NAV3: variants seen among roughly 807,000 people sequenced by gnomAD.
NAV3 encodes pore membrane and/or filament interacting like protein 1.
A neutral mutation model predicts 244.7 loss-of-function variants in NAV3; 87 were observed. That is an observed-to-expected ratio of 0.36 (90% CI 0.30 to 0.42). The LOEUF (loss-of-function observed/expected upper bound fraction) is 0.42, where lower values mean the gene tolerates loss of function less well. Ranked by LOEUF, NAV3 falls within the 20% of genes least tolerant of loss-of-function variation. The pLI is 1.00. For missense variants in NAV3, 2,663 were observed against 2,893.3 expected (o/e 0.92, Z 1.83); for synonymous variants, 1,126 against 1,042.2 (o/e 1.08, Z -1.55).
At chr12:78,057,785 G>A (rs575091136) in intron 11 of NAV3, among the ~76,000 whole-genome samples, 47 of 152,294 alleles carry the variant, frequency 3.1e-4, no homozygotes, top group African/African-American at 1.1e-3. Context: ...GTAAGTAGCA[G>A]CACTGTAGTT....
rs186565361 is a variant in NAV3 at position 77,860,483 on chromosome 12, A to C, written c.243+28779A>C. ...AATGTATATTATTAAAAATTAGCAAACCTCTATTAAAATGTTGCTGAGGTT... is the reference window on the plus strand; with the variant it reads ...AATGTATATTATTAAAAATTAGCAACCCTCTATTAAAATGTTGCTGAGGTT... On this transcript the variant is annotated intron_variant, in intron 1 of 39. Transcript: ENST00000397909. Among the ~76,000 whole-genome samples, 771 of 151,750 alleles carry C rather than the reference A, an allele frequency of 5.1e-3. 8 individuals carry two copies. Among genetic ancestry groups the C allele is most frequent in the African/African-American group, 0.018 (737 of 41,486 alleles).
chr12:77,826,842 A>G (rs1873053247), upstream of NAV3, among the ~76,000 whole-genome samples: 2 of 152,194 alleles, frequency 1.3e-5, no homozygotes, highest in Non-Finnish European at 2.9e-5. Context: ...ACATCTTGAT[A>G]GTGGTACTGG....
intron 11 of NAV3, among the ~76,000 whole-genome samples, chr12:78,056,711 G>A (rs569096837): frequency 2.6e-5 from 4 of 152,182 alleles, no homozygotes; most frequent in African/African-American, 4.8e-5. Flanking sequence ...CCTGGGTAAC[G>A]GAGTGAGACT....
intron 39 of NAV3, among the ~76,000 whole-genome samples, chr12:78,209,194 C>T (rs1182825693): frequency 6.6e-6 from 1 of 152,034 alleles, no homozygotes; most frequent in Non-Finnish European, 1.5e-5. Context: ...GTCTCTTTGT[C>T]AGAAAGGAAT....
rs1191958548 is a variant in NAV3, at chr12:77,831,187, GAGAGAGAC to G, written c.-267_-260del. The G allele has an allele frequency of 2.8e-3, 365 of 130,434 alleles. No homozygotes were observed. The highest frequency in any genetic ancestry group is 6.5e-3 in the South Asian group (44 of 6,762). 8.1% of individuals were successfully genotyped at this position (130,434 alleles called of 1,614,324 possible). On this transcript the variant is annotated 5_prime_UTR_variant, in exon 1 of 40. Coordinates refer to ENST00000397909, the MANE Select transcript of NAV3 (RefSeq NM_001024383.2). ...AGAGAGACAGAGAGAGAGAGAGAGA[GAGAGAGAC>G]AGAGAGAGAGAGAGAGAGAGAGAAA...
intron 1 of NAV3, among the ~76,000 whole-genome samples, chr12:77,837,325 G>T (rs1370906840): frequency 6.6e-6 from 1 of 151,734 alleles, no homozygotes; most frequent in African/African-American, 2.4e-5. Context: ...GAAAACAGCA[G>T]GTAGACAATG....
At chr12:77,609,726 C>T (rs1870828670) in intron 2 of NAV3, among the ~76,000 whole-genome samples, 1 of 151,942 alleles carries the variant, frequency 6.6e-6, no homozygotes, top group Non-Finnish European at 1.5e-5. Context: ...CCCTGAGTGA[C>T]AAGTTGTAAT....
intron 2 of NAV3, among the ~76,000 whole-genome samples, chr12:77,760,370 G>A (rs1177715634): frequency 6.6e-6 from 1 of 152,216 alleles, no homozygotes; most frequent in Non-Finnish European, 1.5e-5. Context: ...CAGCATGCAA[G>A]TTTGTTTTGG....
At chr12:77,962,429 T>G (rs1481429005) in intron 3 of NAV3, among the ~76,000 whole-genome samples, 2 of 152,156 alleles carry the variant, frequency 1.3e-5, no homozygotes, top group African/African-American at 2.4e-5. Flanking sequence ...TCCATCTCAT[T>G]GGATACAGAC....
chr12:77,670,759 A>C (rs1013665133), intron 2 of NAV3, among the ~76,000 whole-genome samples: 9 of 152,202 alleles, frequency 5.9e-5, no homozygotes, highest in African/African-American at 2.2e-4. Flanking sequence ...TAAAACCATC[A>C]GCAAAATTGG....
intron 1 of NAV3, among the ~76,000 whole-genome samples, chr12:77,845,651 C>CTTTTT (rs36029202): frequency 2.3e-5 from 3 of 129,602 alleles, no homozygotes; most frequent in East Asian, 2.2e-4. Context: ...TAGGCTAATA[C>CTTTTT]TTTTTTTTTT....
chr12:77,957,113 C>T (rs1485514520), intron 3 of NAV3, among the ~76,000 whole-genome samples: 1 of 152,184 alleles, frequency 6.6e-6, no homozygotes, highest in African/African-American at 2.4e-5. Flanking sequence ...AAATTAATAA[C>T]TCCATTCTCC....
At chr12:77,749,645 C>T (rs1868738262) in intron 2 of NAV3, among the ~76,000 whole-genome samples, 1 of 151,424 alleles carries the variant, frequency 6.6e-6, no homozygotes, top group Non-Finnish European at 1.5e-5. Flanking sequence ...TAATATGAGC[C>T]AGAAATATGA....
intron 3 of NAV3, among the ~76,000 whole-genome samples, chr12:77,960,168 A>G (rs1426542205): frequency 6.6e-6 from 1 of 152,034 alleles, no homozygotes; most frequent in Non-Finnish European, 1.5e-5. Context: ...GGAGAGGCTT[A>G]GGATGCCATA....
At chr12:77,635,259 T>C (rs1872107714) in intron 2 of NAV3, among the ~76,000 whole-genome samples, 1 of 152,054 alleles carries the variant, frequency 6.6e-6, no homozygotes. Context: ...GTGGTCTTGC[T>C]ATATTGCCTA....
chr12:77,680,854 CA>C (rs1874419655), intron 2 of NAV3, among the ~76,000 whole-genome samples: 1 of 152,122 alleles, frequency 6.6e-6, no homozygotes, highest in South Asian at 2.1e-4. Flanking sequence ...GGAAGAGTCA[CA>C]TATGGACACC....
chr12:77,931,910 GTT>G (rs1459166752), intron 1 of NAV3, among the ~76,000 whole-genome samples: 2 of 49,610 alleles, frequency 4.0e-5, no homozygotes, highest in Admixed American at 4.1e-4. Flanking sequence ...GTGCGTGTGT[GTT>G]TGTGTGTGTG....
At chr12:77,934,034 A>G (rs1889081273) in intron 1 of NAV3, among the ~76,000 whole-genome samples, 1 of 152,180 alleles carries the variant, frequency 6.6e-6, no homozygotes, top group Non-Finnish European at 1.5e-5. Context: ...ATCTCAGTTC[A>G]AAGTAACATA....
intron 2 of NAV3, among the ~76,000 whole-genome samples, chr12:77,754,043 A>T (rs545686816): frequency 4.7e-4 from 71 of 152,314 alleles, no homozygotes; most frequent in African/African-American, 1.7e-3. Flanking sequence ...TTCAGAAATA[A>T]TTAATACTTT....
Sources: gnomAD v4.1 joint callset for allele counts (sites outside exome capture counted in the v4.1 genomes callset) on GRCh38, gnomAD v4.1.1 for gene constraint, MANE v1.5 for transcripts, NCBI Gene and HGNC (gene_info 2026-07-23, HGNC 2026-07-21) for gene names.